FMO3: variants seen among roughly 807,000 people sequenced by gnomAD.
FMO3 encodes the protein flavin containing dimethylaniline monoxygenase 3, also known as flavin-containing monooxygenase 3.
Under a neutral mutation model 39.4 loss-of-function variants are expected in FMO3, and 40 were observed. The ratio of observed to expected loss-of-function variants is 1.02; its 90% CI spans 0.79 to 1.32. The LOEUF is 1.32. Among genes scored for constraint, FMO3 ranks in the 40% most tolerant of loss-of-function variants. The pLI, the probability that FMO3 is intolerant of heterozygous loss-of-function variation, is 0.00. For synonymous variants in FMO3, 219 were observed against 228.8 expected (o/e 0.96, Z 0.39); for missense variants, 680 against 651.8 (o/e 1.04, Z -0.47).
chr1:171,095,892 T>C (rs1445945303), intron 2 of FMO3, among the ~76,000 whole-genome samples: 41 of 57,728 alleles, frequency 7.1e-4, no homozygotes, highest in African/African-American at 2.6e-3. Flanking sequence ...TTATATTATA[T>C]ATAATTATAA....
chr1:171,107,165 A>C (rs1166564119), intron 3 of FMO3, among the ~76,000 whole-genome samples: 1 of 152,192 alleles, frequency 6.6e-6, no homozygotes, highest in African/African-American at 2.4e-5. Context: ...ATCTAGTCAA[A>C]GCTACTCAGT....
chr1:171,110,306 T>G (rs557801222), intron 5 of FMO3, among the ~76,000 whole-genome samples: 1 of 152,294 alleles, frequency 6.6e-6, no homozygotes, highest in Admixed American at 6.5e-5. Flanking sequence ...GTTAGATAAG[T>G]GCTAGGGAAA....
chr1:171,111,104 C>A, intron 6 of FMO3, 107 bp downstream of exon 6: 1 of 866,722 alleles, frequency 1.2e-6, no homozygotes, highest in South Asian at 1.4e-5. Context: ...AATCACAACT[C>A]ATATATCAGA....
At chr1:171,099,060 CT>C (rs537731719) in intron 2 of FMO3, among the ~76,000 whole-genome samples, 27 of 152,180 alleles carry the variant, frequency 1.8e-4, no homozygotes, top group Non-Finnish European at 3.8e-4. Flanking sequence ...CCTCTACACA[CT>C]GCTTTAAATG....
chr1:171,116,226 C>A lies in FMO3; in HGVS notation c.1202C>A (p.Ser401Tyr), dbSNP rs777622087. Residue 401 changes from serine (S) to tyrosine (Y), a missense_variant, in exon 8 of 9, where the codon TCT (serine) becomes TAT (tyrosine). Coordinates refer to ENST00000367755, the MANE Select transcript of FMO3 (RefSeq NM_001002294.3). The stretch of plus-strand genomic sequence containing the variant: ...TTATCAGGAACTTGTACTTTGCCTT[C>A]TATGGAAGACATGATGAATGATATT... ...QVIKGTCTLP[S>Y]MEDMMNDINE... is the part of the protein sequence containing the mutation. 5 of 1,605,110 alleles carry A rather than the reference C, an allele frequency of 3.1e-6. No individual in the cohort carries two copies. Among genetic ancestry groups the A allele is most frequent in the African/African-American group, 2.7e-5 (2 of 74,644 alleles).
intron 5 of FMO3, 36 bp from the exon 6 acceptor site, chr1:171,110,762 G>T (rs748644232): frequency 4.4e-6 from 7 of 1,589,232 alleles, no homozygotes; most frequent in Non-Finnish European, 5.2e-6. Context: ...ACTACAAATG[G>T]TCACTAATTT....
At chr1:171,095,756 A>G (rs1055415546) in intron 2 of FMO3, among the ~76,000 whole-genome samples, 2 of 123,290 alleles carry the variant, frequency 1.6e-5, no homozygotes, top group African/African-American at 5.9e-5. Flanking sequence ...AATAATATAA[A>G]TATATATTTA....
intron 2 of FMO3, chr1:171,100,190 A>C (rs1435517608): frequency 6.6e-6 from 1 of 152,218 alleles, no homozygotes; most frequent in Admixed American, 6.5e-5. Flanking sequence ...TATTGAGAGG[A>C]ACACAGCCAA....
chr1:171,109,898 G>T (rs530030869), intron 5 of FMO3, among the ~76,000 whole-genome samples: 2 of 152,034 alleles, frequency 1.3e-5, no homozygotes, highest in Non-Finnish European at 2.9e-5. Flanking sequence ...AAGTGATATG[G>T]CATATAAAAA....
rs1481101709 is a variant in FMO3, at chr1:171,117,616, T to A, written c.*174T>A. On this transcript the variant is annotated 3_prime_UTR_variant, in exon 9 of 9. Transcript: ENST00000367755. ...TTTCTAGGCTCTGAAATAGCCACTT[T>A]AAGAATCATGTCATGATCTTAAGAG... is the stretch of plus-strand genomic sequence containing the variant. 1.7e-6 allele frequency: 1 copy of A among 579,004 alleles called. No homozygotes were observed. The highest frequency in any genetic ancestry group is 1.9e-5 in the African/African-American group (1 of 53,600). The allele number at this position is 579,004 out of a possible 1,614,324, so 35.9% of individuals were successfully genotyped here. A position where few individuals can be genotyped will look rare whatever the true frequency, so the allele number is the denominator to read the frequency against.
At chr1:171,096,073 A>G (rs796127355) in intron 2 of FMO3, among the ~76,000 whole-genome samples, 7 of 60,998 alleles carry the variant, frequency 1.1e-4, no homozygotes, top group African/African-American at 5.1e-4. Context: ...ATTATATATT[A>G]ATATATAATA....
At chr1:171,101,649 T>C (rs1303382597) in intron 2 of FMO3, 1 of 471,990 alleles carries the variant, frequency 2.1e-6, no homozygotes, top group Non-Finnish European at 4.4e-6. Flanking sequence ...CAGCACTTTC[T>C]ATGCCCTTCT....
intron 2 of FMO3, among the ~76,000 whole-genome samples, 155 bp downstream of exon 2, chr1:171,092,945 A>G (rs1654783301): frequency 6.6e-6 from 1 of 152,206 alleles, no homozygotes; most frequent in African/African-American, 2.4e-5. Context: ...GCAGGTTGGA[A>G]AGTAACCTCC....
intron 6 of FMO3, 129 bp from the exon 7 acceptor site, chr1:171,113,878 G>T: frequency 1.7e-6 from 1 of 602,802 alleles, no homozygotes; most frequent in Non-Finnish European, 2.9e-6. Context: ...CAGCCATATT[G>T]GAGATACTCT....
chr1:171,110,769 A>C (rs751345495), intron 5 of FMO3, 29 bp from the exon 6 acceptor site: 2 of 1,608,202 alleles, frequency 1.2e-6, no homozygotes, highest in South Asian at 2.2e-5. Flanking sequence ...ATGGTCACTA[A>C]TTTCATGGTT....
chr1:171,117,526 C>T lies in FMO3; in HGVS notation c.*84C>T, dbSNP rs956211752. On this transcript the variant is annotated 3_prime_UTR_variant, in exon 9 of 9. Transcript: ENST00000367755. ...TATTTAAAAATTAAAATTTTCACAC[C>T]ACCTGCTTTTCTATTCAGCATCTTT... 2.0e-6 allele frequency: 2 copies of T among 1,012,890 alleles called. No homozygotes were observed. The highest frequency in any genetic ancestry group is 3.2e-5 in the African/African-American group (2 of 61,880). The allele number at this position is 1,012,890 out of a possible 1,614,324, so 62.7% of individuals were successfully genotyped here. A position where few individuals can be genotyped will look rare whatever the true frequency, so the allele number is the denominator to read the frequency against.
chr1:171,091,721 C>A (rs540342054), intron 1 of FMO3, among the ~76,000 whole-genome samples: 13 of 152,058 alleles, frequency 8.5e-5, no homozygotes, highest in African/African-American at 3.1e-4. Context: ...ACTATATAAT[C>A]CCAGAGTAGC....
Position 171,117,432 on chromosome 1 carries a change from T to C in FMO3, c.1589T>C (p.Val530Ala). The change falls in exon 9 of 9, where the codon GTG (valine) becomes GCG (alanine). Residue 530 changes from valine to alanine, a missense_variant. Coordinates refer to ENST00000367755, the MANE Select transcript of FMO3 (RefSeq NM_001002294.3). Reference sequence around the variant, plus strand: ...ATTCTGTTAATCGCTGTTTTCCTTGTGTTGACCTAATCATCATTTTCTCTA... The same window carrying C: ...ATTCTGTTAATCGCTGTTTTCCTTGCGTTGACCTAATCATCATTTTCTCTA... ...IPILLIAVFLVLT is the reference protein window; with the variant it reads ...IPILLIAVFLALT The C allele has an allele frequency of 1.2e-6, 2 of 1,613,000 alleles. No homozygotes were observed. The highest frequency in any genetic ancestry group is 2.2e-5 in the South Asian group (2 of 91,038).
chr1:171,096,034 T>TATATATTATATATA (rs1654987187), intron 2 of FMO3, among the ~76,000 whole-genome samples: 1 of 65,868 alleles, frequency 1.5e-5, no homozygotes, highest in Non-Finnish European at 2.4e-5. Context: ...TAATATATAA[T>TATATATTATATATA]ATATATTATA....
Sources: gnomAD v4.1 joint callset for allele counts (sites outside exome capture counted in the v4.1 genomes callset) on GRCh38, gnomAD v4.1.1 for gene constraint, MANE v1.5 for transcripts, NCBI Gene and HGNC (gene_info 2026-07-23, HGNC 2026-07-21) for gene names.